MYO9A: variants seen among roughly 807,000 people sequenced by gnomAD.
MYO9A encodes the protein myosin IXA, also known as unconventional myosin-IXa.
MYO9A carries 103 observed loss-of-function variants against 293.3 expected under a neutral mutation model. That is an observed-to-expected ratio of 0.35 (90% CI 0.30 to 0.41). The LOEUF is 0.41. Among genes scored for constraint, MYO9A ranks in the 10% least tolerant of loss-of-function variants. MYO9A has a pLI of 1.00. For missense variants in MYO9A, 2,685 were observed against 3,033.0 expected (o/e 0.89, Z 2.69); for synonymous variants, 1,001 against 1,035.7 (o/e 0.97, Z 0.64).
At chr15:72,049,586 A>G (rs966783213) in intron 1 of MYO9A, among the ~76,000 whole-genome samples, 1 of 152,248 alleles carries the variant, frequency 6.6e-6, no homozygotes, top group Non-Finnish European at 1.5e-5. Flanking sequence ...CGCACAGCAG[A>G]AGATGAGCAG....
chr15:71,955,276 C>A (rs1006219087), intron 14 of MYO9A, among the ~76,000 whole-genome samples: 3 of 152,022 alleles, frequency 2.0e-5, no homozygotes, highest in Non-Finnish European at 4.4e-5. Flanking sequence ...TACAGGCATG[C>A]GCCACCAAGC....
chr15:71,827,774 T>C (rs965374579), intron 41 of MYO9A, 110 bp downstream of exon 41: 1 of 1,219,310 alleles, frequency 8.2e-7, no homozygotes, highest in African/African-American at 1.5e-5. Context: ...GACTTTGTTA[T>C]TGCTGATGTA....
chr15:71,889,332 A>T (rs1417045148), intron 26 of MYO9A: 2 of 152,228 alleles, frequency 1.3e-5, no homozygotes, highest in African/African-American at 4.8e-5. Context: ...CCCAAGAGCC[A>T]GAGCATATAA....
intron 33 of MYO9A, among the ~76,000 whole-genome samples, chr15:71,861,890 T>TA (rs956425021): frequency 6.6e-6 from 1 of 152,134 alleles, no homozygotes; most frequent in Non-Finnish European, 1.5e-5. Context: ...TCCCAGCACT[T>TA]TAGGCCAAGG....
Position 71,898,887 on chromosome 15 carries a change from T to C in MYO9A, c.3616A>G (p.Ile1206Val), listed in dbSNP as rs1329604942. 6 of 1,614,036 alleles carry C rather than the reference T, an allele frequency of 3.7e-6. No individual in the cohort carries two copies. Among genetic ancestry groups the C allele is most frequent in the Admixed American group, 3.3e-5 (2 of 59,992 alleles). Reference protein sequence around the residue: ...DCSFDNRIKAIEECKSVIESN... With the variant: ...DCSFDNRIKAVEECKSVIESN... The stretch of plus-strand genomic sequence containing the variant: ...TCTATTACAGATTTACATTCCTCTA[T>C]GGCTTTTATTCTGTTGTCAAAAGAA... The change falls in exon 25 of 42, where the codon ATA (isoleucine) becomes GTA (valine). Residue 1206 changes from isoleucine to valine, a missense_variant. Ile to Val is a conservative substitution (Grantham distance 29). Around this residue, in one of 10 missense-constraint regions of MYO9A, gnomAD observed 1,434 missense variants for 1,497.7 expected, o/e 0.96. Transcript: ENST00000356056.
chr15:72,059,925 A>G (rs568720094), intron 1 of MYO9A, among the ~76,000 whole-genome samples: 1 of 152,336 alleles, frequency 6.6e-6, no homozygotes, highest in East Asian at 1.9e-4. Context: ...GTAGTTTTAT[A>G]GTTCTTAATC....
intron 18 of MYO9A, among the ~76,000 whole-genome samples, chr15:71,920,614 CATTTCTCATGTT>C (rs2058131468): frequency 6.6e-6 from 1 of 152,074 alleles, no homozygotes; most frequent in Non-Finnish European, 1.5e-5. Context: ...CAAACTAAGG[CATTTCTCATGTT>C]ATTAAAAAGG....
At chr15:72,010,534 G>A in intron 6 of MYO9A, 87 bp from the exon 7 acceptor site, 1 of 1,183,014 alleles carries the variant, frequency 8.5e-7, no homozygotes, top group Non-Finnish European at 1.2e-6. Flanking sequence ...ATTTAGGATA[G>A]GTACCTGTAT....
At chr15:71,964,854 C>A (rs1488230483) in intron 13 of MYO9A, among the ~76,000 whole-genome samples, 1 of 151,812 alleles carries the variant, frequency 6.6e-6, no homozygotes, top group African/African-American at 2.4e-5. Flanking sequence ...ACTTGGGAGG[C>A]TGAGGAACGA....
chr15:72,079,201 T>G (rs987838765), intron 1 of MYO9A, among the ~76,000 whole-genome samples: 8 of 151,950 alleles, frequency 5.3e-5, no homozygotes, highest in South Asian at 4.1e-4. Context: ...GGGGAAACTG[T>G]GGGGGCAGGA....
At chr15:72,008,853 A>G (rs996041670) in intron 7 of MYO9A, among the ~76,000 whole-genome samples, 2 of 152,188 alleles carry the variant, frequency 1.3e-5, no homozygotes, top group African/African-American at 4.8e-5. Context: ...CTTAGAATAA[A>G]TACGGCTTAC....
At chr15:72,082,030 A>G (rs1039738073) in intron 1 of MYO9A, among the ~76,000 whole-genome samples, 6 of 152,038 alleles carry the variant, frequency 3.9e-5, no homozygotes, top group African/African-American at 1.2e-4. Context: ...TTTTGGTTCC[A>G]TATCAATTTT....
intron 8 of MYO9A, among the ~76,000 whole-genome samples, chr15:72,005,863 C>T (rs1269049878): frequency 1.3e-5 from 2 of 152,152 alleles, no homozygotes; most frequent in South Asian, 2.1e-4. Context: ...GTTTAGACCA[C>T]TTAAGGTTAA....
At position 72,020,967 on chromosome 15, in the gene MYO9A, C is replaced by G. The variant is rs768196815; in HGVS notation, c.1049G>C (p.Arg350Thr). 1 of 1,550,666 alleles carries G rather than the reference C, an allele frequency of 6.4e-7. No individual in the cohort carries two copies. ...TGGTTGCTTAAGATGGAATGCTGAT[C>G]TCTCATCTTCACTTGCTCCTGCCAG... is the stretch of plus-strand genomic sequence containing the variant. ...YLLAGASEDE[R>T]SAFHLKQPEE... The change falls in exon 5 of 42, where the codon AGA (arginine) becomes ACA (threonine). Residue 350 changes from arginine to threonine, a missense_variant. Transcript: ENST00000356056.
intron 2 of MYO9A, among the ~76,000 whole-genome samples, chr15:72,042,394 A>G (rs538870148): frequency 1.3e-5 from 2 of 152,224 alleles, no homozygotes; most frequent in African/African-American, 2.4e-5. Flanking sequence ...TCACATTAAC[A>G]AAGTTTAAAA....
intron 18 of MYO9A, among the ~76,000 whole-genome samples, chr15:71,925,288 CGTGT>C (rs993590657): frequency 2.9e-4 from 42 of 147,334 alleles, no homozygotes; most frequent in African/African-American, 1.0e-3. Flanking sequence ...TACGTATACA[CGTGT>C]ATGTACATAT....
At chr15:72,074,561 T>C (rs2079287964) in intron 1 of MYO9A, among the ~76,000 whole-genome samples, 1 of 152,154 alleles carries the variant, frequency 6.6e-6, no homozygotes, top group African/African-American at 2.4e-5. Flanking sequence ...ATGGACCAAA[T>C]TCCAAAGAAG....
rs1462491428 is a variant in MYO9A at position 71,850,082 on chromosome 15, T to C, written c.6667A>G (p.Thr2223Ala). 2 of 1,613,980 alleles carry C rather than the reference T, an allele frequency of 1.2e-6. No homozygotes were observed. The highest frequency in any genetic ancestry group is 1.7e-6 in the Non-Finnish European group (2 of 1,179,970). ...TGTACACTTTGTAGTGGGTCAGTGG[T>C]GTCAGGGCAGCGGAGAATGCAGGGC... ...FAPCILRCPD[T>A]TDPLQSVQDI... Residue 2223 changes from threonine to alanine, a missense_variant, in exon 38 of 42, where the codon ACC becomes GCC. Physicochemically the swap from Thr to Ala is moderately conservative, Grantham distance 58. Coordinates refer to ENST00000356056, the MANE Select transcript of MYO9A (RefSeq NM_006901.4).
intron 39 of MYO9A, among the ~76,000 whole-genome samples, chr15:71,845,088 T>TAAGTC (rs754246105): frequency 3.9e-5 from 6 of 152,214 alleles, no homozygotes; most frequent in Admixed American, 6.5e-5. Context: ...TGCCTTTTGT[T>TAAGTC]AAGTCACAAA....
Sources: gnomAD v4.1 joint callset for allele counts (sites outside exome capture counted in the v4.1 genomes callset) on GRCh38, gnomAD v4.1.1 for gene constraint, gnomAD v4.1.1 regional missense constraint, MANE v1.5 for transcripts, NCBI Gene and HGNC (gene_info 2026-07-23, HGNC 2026-07-21) for gene names.